IMMP2L: variants seen among roughly 807,000 people sequenced by gnomAD.
IMMP2L encodes mitochondrial inner membrane protease subunit 2.
A neutral mutation model predicts 19.3 loss-of-function variants in IMMP2L; 18 were observed. The ratio of observed to expected loss-of-function variants is 0.93; its 90% CI spans 0.64 to 1.38. The LOEUF (loss-of-function observed/expected upper bound fraction) is 1.38. Ranked by LOEUF, IMMP2L falls within the 40% of genes most tolerant of loss-of-function variation. The pLI, the probability that IMMP2L is intolerant of heterozygous loss-of-function variation, is 0.00. For synonymous variants in IMMP2L, 76 were observed against 73.0 expected (o/e 1.04, Z -0.21); for missense variants, 233 against 218.2 (o/e 1.07, Z -0.43).
In IMMP2L at chr7:111,538,791, C is replaced by CAG. The variant is rs367825844; in HGVS notation, c.-2-17344_-2-17343dup. Among the ~76,000 whole-genome samples, 212 of 118,240 alleles carry CAG rather than the reference C, an allele frequency of 1.8e-3. 2 individuals carry two copies. The highest frequency in any genetic ancestry group is 6.8e-3 in the African/African-American group (200 of 29,426). The allele number at this position is 118,240 out of a possible 152,430, so 77.6% of individuals were successfully genotyped here. On this transcript the variant is annotated intron_variant, in intron 1 of 5. Transcript: ENST00000405709. Reference sequence around the variant, plus strand: ...CACCACTGCACTCCAGCCTGGGTGACAGAGCAATGAGACCCTGGCTCATTT... The same window carrying CAG: ...CACCACTGCACTCCAGCCTGGGTGACAGAGAGCAATGAGACCCTGGCTCATTT...
rs567399962 is a variant in IMMP2L at position 110,805,907 on chromosome 7, T to C, written c.408+80686A>G. On this transcript the variant is annotated intron_variant, in intron 5 of 5. Coordinates refer to ENST00000405709, the MANE Select transcript of IMMP2L (RefSeq NM_032549.4). ...CCCCAAGCACACAATTTATACAAGG[T>C]AGAAAAATCAAAAAGACTTTATATT... Among the ~76,000 whole-genome samples the C allele has an allele frequency of 1.2e-4, 19 of 152,006 alleles. No individual in the cohort carries two copies. The Middle Eastern group carries it at 0.014, about 109-fold the overall frequency.
At chr7:111,157,741 A>G (rs1804801576) in intron 3 of IMMP2L, among the ~76,000 whole-genome samples, 1 of 152,134 alleles carries the variant, frequency 6.6e-6, no homozygotes, top group African/African-American at 2.4e-5. Flanking sequence ...GAGCATTTGT[A>G]ACACAGAAAG....
At chr7:111,155,711 C>G (rs1804570234) in intron 3 of IMMP2L, among the ~76,000 whole-genome samples, 1 of 151,660 alleles carries the variant, frequency 6.6e-6, no homozygotes. Flanking sequence ...GTCATGTTTT[C>G]TACTGAACAA....
At chr7:111,264,022 A>G (rs1817585957) in intron 3 of IMMP2L, among the ~76,000 whole-genome samples, 1 of 152,158 alleles carries the variant, frequency 6.6e-6, no homozygotes, top group Admixed American at 6.6e-5. Context: ...GCTAGGATAA[A>G]TGGGTAGGTG....
rs780075505 is a variant in IMMP2L at position 110,663,649 on chromosome 7, A to G, written c.481T>C (p.Ser161Pro). The G allele has an allele frequency of 1.9e-6, 3 of 1,611,874 alleles. No homozygotes were observed. The highest frequency in any genetic ancestry group is 2.5e-6 in the Non-Finnish European group (3 of 1,178,644). Reference protein sequence around the residue: ...WPPERWQKLESVLPPERLPVQ... With the variant: ...WPPERWQKLEPVLPPERLPVQ... ...GGTAAGCGCTCTGGAGGAAGAACAG[A>G]TTCCAATTTCTGCCAGCGCTCTGGG... is the stretch of plus-strand genomic sequence containing the variant. Residue 161 changes from serine to proline, a missense_variant, in exon 6 of 6, where the codon TCT becomes CCT. By Grantham distance (74) the Ser-to-Pro change is moderately conservative (BLOSUM62 -1). Coordinates refer to ENST00000405709, the MANE Select transcript of IMMP2L (RefSeq NM_032549.4).
intron 5 of IMMP2L, among the ~76,000 whole-genome samples, chr7:110,770,144 G>T: frequency 6.6e-6 from 1 of 152,108 alleles, no homozygotes; most frequent in East Asian, 1.9e-4. Flanking sequence ...AAATCTAGAA[G>T]ATAAACCTAA....
At chr7:111,463,790 C>G (rs1164368975) in intron 3 of IMMP2L, among the ~76,000 whole-genome samples, 2 of 152,178 alleles carry the variant, frequency 1.3e-5, no homozygotes, top group African/African-American at 2.4e-5. Context: ...TCATTAAACT[C>G]TCTTCATTGT....
chr7:110,876,982 G>A (rs1474510034), intron 5 of IMMP2L, among the ~76,000 whole-genome samples: 1 of 152,138 alleles, frequency 6.6e-6, no homozygotes, highest in African/African-American at 2.4e-5. Context: ...TAGGGTCAGA[G>A]GTTGGCAAGC....
At chr7:111,538,414 C>T (rs1200119260) in intron 1 of IMMP2L, among the ~76,000 whole-genome samples, 5 of 151,912 alleles carry the variant, frequency 3.3e-5, no homozygotes, top group Non-Finnish European at 7.4e-5. Flanking sequence ...CATCTCTTAC[C>T]TGATAGTTTT....
chr7:111,560,801 T>A (rs1406359462), intron 1 of IMMP2L, among the ~76,000 whole-genome samples: 1 of 152,194 alleles, frequency 6.6e-6, no homozygotes, highest in Non-Finnish European at 1.5e-5. Context: ...ATTGAATCAA[T>A]GAAGGAACCC....
Position 111,418,306 on chromosome 7 carries a change from T to A in IMMP2L, c.239+68932A>T, listed in dbSNP as rs763668228. 7.9e-5 allele frequency among the ~76,000 whole-genome samples: 12 copies of A among 151,774 alleles called. 1 individual carries two copies. Among genetic ancestry groups the A allele is most frequent in the Non-Finnish European group, 1.6e-4 (11 of 67,994 alleles). Reference sequence around the variant, plus strand: ...TCCTTTCAGGTCCCCAATAAAACCTTGATCTGACCCTGATGCTAGAAAATT... The same window carrying A: ...TCCTTTCAGGTCCCCAATAAAACCTAGATCTGACCCTGATGCTAGAAAATT... On this transcript the variant is annotated intron_variant, in intron 3 of 5. Transcript: ENST00000405709.
At chr7:110,668,545 G>A (rs766858458) in intron 5 of IMMP2L, among the ~76,000 whole-genome samples, 12 of 152,058 alleles carry the variant, frequency 7.9e-5, no homozygotes, top group Non-Finnish European at 1.3e-4. Context: ...ATATCTGCTC[G>A]CTTGCTTAGC....
chr7:111,226,829 G>A (rs1358661949), intron 3 of IMMP2L, among the ~76,000 whole-genome samples: 2 of 152,030 alleles, frequency 1.3e-5, no homozygotes, highest in African/African-American at 4.8e-5. Context: ...ATGCTTTTTG[G>A]TAAACTGACT....
chr7:111,034,874 T>C (rs1396168837), intron 3 of IMMP2L, among the ~76,000 whole-genome samples: 1 of 152,078 alleles, frequency 6.6e-6, no homozygotes, highest in Non-Finnish European at 1.5e-5. Flanking sequence ...ACAACAATAC[T>C]TAATACTTAG....
intron 5 of IMMP2L, among the ~76,000 whole-genome samples, chr7:110,676,677 G>A (rs1431037461): frequency 6.6e-6 from 1 of 152,178 alleles, no homozygotes; most frequent in East Asian, 1.9e-4. Context: ...ACAGTATTAA[G>A]TAACAGGAGG....
intron 3 of IMMP2L, among the ~76,000 whole-genome samples, chr7:111,428,701 A>G (rs1836332173): frequency 1.3e-5 from 2 of 151,842 alleles, no homozygotes; most frequent in African/African-American, 4.9e-5. Context: ...TCTGAAATAT[A>G]AAATCAGTCT....
At chr7:110,715,387 T>C (rs1795171749) in intron 5 of IMMP2L, among the ~76,000 whole-genome samples, 2 of 152,208 alleles carry the variant, frequency 1.3e-5, no homozygotes, top group South Asian at 4.1e-4. Context: ...ATTTTTTACT[T>C]TCTGAGGTAG....
chr7:111,248,859 G>C (rs1223308728), intron 3 of IMMP2L, among the ~76,000 whole-genome samples: 7 of 16,380 alleles, frequency 4.3e-4, no homozygotes, highest in African/African-American at 2.8e-3. Context: ...GGACCCACTT[G>C]AGGAGGCAGT....
At chr7:111,384,137 C>G (rs1010204036) in intron 3 of IMMP2L, among the ~76,000 whole-genome samples, 1 of 149,996 alleles carries the variant, frequency 6.7e-6, no homozygotes, top group Admixed American at 6.6e-5. Flanking sequence ...GAGTGAGAGC[C>G]CCCATCTCTA....
Sources: gnomAD v4.1 joint callset for allele counts (sites outside exome capture counted in the v4.1 genomes callset) on GRCh38, gnomAD v4.1.1 for gene constraint, MANE v1.5 for transcripts, NCBI Gene and HGNC (gene_info 2026-07-23, HGNC 2026-07-21) for gene names.